Variants in VAV1 observed in about 807,000 individuals in gnomAD.
VAV1 encodes the protein vav guanine nucleotide exchange factor 1, also known as proto-oncogene vav.
A neutral mutation model predicts 128.1 loss-of-function variants in VAV1; 33 were observed. The observed-to-expected ratio is 0.26, with a 90% CI of 0.20 to 0.34. VAV1 has a LOEUF of 0.34. VAV1 is among the 10% of genes least tolerant of loss of function. The pLI, the probability that VAV1 is intolerant of heterozygous loss-of-function variation, is 1.00. For missense variants in VAV1, 715 were observed against 1,093.7 expected, an observed-to-expected ratio of 0.65 and a Z score of 4.88; for synonymous variants, 394 against 409.8, an observed-to-expected ratio of 0.96 and a Z score of 0.47.
At chr19:6,779,690 G>A (rs56684041) in intron 1 of VAV1, among the ~76,000 whole-genome samples, 4 of 148,926 alleles carry the variant, frequency 2.7e-5, no homozygotes, top group Admixed American at 2.7e-4. Context: ...GTGTGACCTC[G>A]TCTCTATAAA....
intron 24 of VAV1, among the ~76,000 whole-genome samples, chr19:6,851,109 A>G (rs985831685): frequency 2.0e-5 from 3 of 152,012 alleles, no homozygotes; most frequent in Non-Finnish European, 4.4e-5. Context: ...ATATGTATAC[A>G]TATGTATGTA....
chr19:6,851,135 C>T (rs769945533), intron 24 of VAV1, among the ~76,000 whole-genome samples: 17 of 150,882 alleles, frequency 1.1e-4, no homozygotes, highest in East Asian at 5.8e-4. Context: ...CATGTATATA[C>T]GTGTATCTGT....
chr19:6,854,334 C>T (rs1417557178), intron 26 of VAV1, among the ~76,000 whole-genome samples: 6 of 152,172 alleles, frequency 3.9e-5, no homozygotes, highest in South Asian at 2.1e-4. Flanking sequence ...GAAACAAGCA[C>T]GGTACAAGGA....
intron 21 of VAV1, among the ~76,000 whole-genome samples, chr19:6,842,656 C>T (rs1421065147): frequency 2.6e-5 from 4 of 151,910 alleles, no homozygotes; most frequent in African/African-American, 9.7e-5. Flanking sequence ...ATCCCCCGCC[C>T]GATCTTGACA....
At position 6,822,266 on chromosome 19, in the gene VAV1, T is replaced by C. The variant is rs1407072899; in HGVS notation, c.495T>C (p.Asn165=). The change falls in exon 5 of 27, where the codon AAT becomes AAC. Residue 165 remains asparagine, a synonymous_variant. Coordinates refer to ENST00000602142, the MANE Select transcript of VAV1 (RefSeq NM_005428.4). The surrounding 1 kb of genome is among the most constrained non-coding windows in gnomAD (Gnocchi z 5.9). The stretch of plus-strand genomic sequence containing the variant: ...AGGACCTGTATGACTGCGTGGAGAA[T>C]GAGGAGGCGGAAGGCGACGAGATCT... ...EDEDLYDCVE[N]EEAEGDEIYE... 1 of 1,592,212 alleles carries C rather than the reference T, an allele frequency of 6.3e-7. No homozygotes were observed. The highest frequency in any genetic ancestry group is 2.3e-5 in the East Asian group (1 of 44,144).
rs1972825821 is a variant in VAV1 at position 6,857,288 on chromosome 19, C to T, written c.*181C>T. 6 of 726,254 alleles carry T rather than the reference C, an allele frequency of 8.3e-6. No homozygotes were observed. The South Asian group carries it at 1.1e-4, about 14-fold the overall frequency. The allele number at this position is 726,254 out of a possible 1,614,324, so 45.0% of individuals were successfully genotyped here. A position where few individuals can be genotyped will look rare whatever the true frequency, so the allele number is the denominator to read the frequency against. On this transcript the variant is annotated 3_prime_UTR_variant, in exon 27 of 27. Transcript: ENST00000602142. ...CCCTGACATGGTTAATTTATAACAC[C>T]CCGATTTCCTCTTGGGTCCCCTCAA...
Position 6,792,051 on chromosome 19 carries a change from A to G in VAV1, c.204+19040A>G, listed in dbSNP as rs145040547. On this transcript the variant is annotated intron_variant, in intron 1 of 26. Coordinates refer to ENST00000602142, the MANE Select transcript of VAV1 (RefSeq NM_005428.4). ...ATCCTTGGAGCATTTAAGCAGATCA[A>G]TTGTTTAAAGAGGTCCCTGACCAGG... Among the ~76,000 whole-genome samples, 893 of 152,212 alleles carry G rather than the reference A, an allele frequency of 5.9e-3. 8 individuals carry two copies. The highest frequency in any genetic ancestry group is 0.021 in the African/African-American group (862 of 41,528).
chr19:6,821,506 T>C, intron 2 of VAV1, 116 bp from the exon 3 acceptor site: 1 of 1,237,122 alleles, frequency 8.1e-7, no homozygotes, highest in Non-Finnish European at 1.2e-6. Flanking sequence ...AAATCCTGAA[T>C]TAGGCTTCCA....
intron 26 of VAV1, 123 bp from the exon 27 acceptor site, chr19:6,856,931 G>A: frequency 1.3e-6 from 1 of 781,916 alleles, no homozygotes; most frequent in Non-Finnish European, 2.2e-6. Context: ...TGTGTTTTCT[G>A]GGATAGACAG....
At chr19:6,785,406 A>C (rs1050907873) in intron 1 of VAV1, among the ~76,000 whole-genome samples, 7 of 152,042 alleles carry the variant, frequency 4.6e-5, no homozygotes, top group Non-Finnish European at 7.4e-5. Context: ...ATCTCAGCTC[A>C]CTGCAACCTC....
At chr19:6,831,371 G>A (rs998011618) in intron 14 of VAV1, among the ~76,000 whole-genome samples, 4 of 152,164 alleles carry the variant, frequency 2.6e-5, no homozygotes, top group African/African-American at 9.7e-5. Context: ...GAGTGCAGAG[G>A]CATGATCTCG....
At chr19:6,776,813 A>G (rs1970653965) in intron 1 of VAV1, among the ~76,000 whole-genome samples, 1 of 151,880 alleles carries the variant, frequency 6.6e-6, no homozygotes, top group African/African-American at 2.4e-5. Flanking sequence ...GCTGGAGTGC[A>G]GGGGCATGAT....
At chr19:6,829,387 T>C (rs1599662886) in intron 13 of VAV1, among the ~76,000 whole-genome samples, 1 of 145,292 alleles carries the variant, frequency 6.9e-6, no homozygotes, top group East Asian at 2.0e-4. Flanking sequence ...GACAGGTGGG[T>C]GGAGCCAACA....
At position 6,854,242 on chromosome 19, in the gene VAV1, G is replaced by T. The variant is rs1229412133; in HGVS notation, c.2484+144G>T. 8 of 1,114,598 alleles carry T rather than the reference G, an allele frequency of 7.2e-6. No homozygotes were observed. In the African/African-American group the frequency reaches 1.2e-4, roughly 17 times the overall value. The allele number at this position is 1,114,598 out of a possible 1,614,324, so 69.0% of individuals were successfully genotyped here. ...GGAGGGAAGGAAGGGACACAGGGAT[G>T]TCATTTATGCATTTATGCAACCTAC... On this transcript the variant is annotated intron_variant, in intron 26 of 26. Coordinates refer to ENST00000602142, the MANE Select transcript of VAV1 (RefSeq NM_005428.4).
In VAV1 at chr19:6,825,418, C is replaced by G; in HGVS notation, c.827+12C>G. ...AAATACAAGGAGAGGTGAGACCCAGCTGGCCAGACTGAAGCTCTGGGGTCA... is the reference window on the plus strand; with the variant it reads ...AAATACAAGGAGAGGTGAGACCCAGGTGGCCAGACTGAAGCTCTGGGGTCA... On this transcript the variant is annotated intron_variant, in intron 8 of 26. Transcript: ENST00000602142. The G allele has an allele frequency of 6.2e-7, 1 of 1,603,912 alleles. No homozygotes were observed. The highest frequency in any genetic ancestry group is 8.5e-7 in the Non-Finnish European group (1 of 1,172,318).
At chr19:6,790,314 T>C (rs1342997016) in intron 1 of VAV1, among the ~76,000 whole-genome samples, 3 of 152,210 alleles carry the variant, frequency 2.0e-5, no homozygotes, top group African/African-American at 7.2e-5. Context: ...ACACAGTTAA[T>C]ACTTTTCTGA....
At chr19:6,774,417 C>G (rs1244401879) in intron 1 of VAV1, among the ~76,000 whole-genome samples, 2 of 135,996 alleles carry the variant, frequency 1.5e-5, no homozygotes, top group South Asian at 4.6e-4. Flanking sequence ...TGTGAGCCAC[C>G]GCGCCCAGCC....
chr19:6,836,896 T>C, intron 20 of VAV1, 89 bp from the exon 21 acceptor site: 1 of 1,266,198 alleles, frequency 7.9e-7, no homozygotes, highest in South Asian at 1.2e-5. Context: ...TGGGGCAGGA[T>C]CCACGTGTAG....
At chr19:6,852,857 A>G (rs560223003) in intron 24 of VAV1, 108 bp from the exon 25 acceptor site, 1 of 816,268 alleles carries the variant, frequency 1.2e-6, no homozygotes, top group East Asian at 2.7e-5. Context: ...CAAAGAGGCC[A>G]GAAACAGGGC....
Sources: gnomAD v4.1 joint callset for allele counts (sites outside exome capture counted in the v4.1 genomes callset) on GRCh38, gnomAD v4.1.1 for gene constraint, Gnocchi (gnomAD v3.1) non-coding constraint, MANE v1.5 for transcripts, NCBI Gene and HGNC (gene_info 2026-07-23, HGNC 2026-07-21) for gene names.